ABCA1: variants seen among roughly 807,000 people sequenced by gnomAD.
The protein encoded by ABCA1 is ATP binding cassette subfamily A member 1.
Under a neutral mutation model 262.5 loss-of-function variants are expected in ABCA1, and 133 were observed. The observed-to-expected ratio is 0.51, with a 90% CI of 0.44 to 0.59. The LOEUF is 0.59. Among genes scored for constraint, ABCA1 ranks in the 20% least tolerant of loss-of-function variants. The pLI, the probability that ABCA1 is intolerant of heterozygous loss-of-function variation, is 0.00. For missense variants in ABCA1, 2,452 were observed against 2,777.5 expected, an observed-to-expected ratio of 0.88 and a Z score of 2.63; for synonymous variants, 1,022 against 1,043.5, an observed-to-expected ratio of 0.98 and a Z score of 0.40.
chr9:104,837,597 TA>T (rs1339686410), intron 9 of ABCA1, 30 bp from the exon 10 acceptor site: 13 of 1,612,518 alleles, frequency 8.1e-6, no homozygotes, highest in African/African-American at 1.3e-5. Flanking sequence ...CAAATGCTCA[TA>T]TGCATGGTCA....
chr9:104,882,056 A>AAAAAAAAAAAAAAAAAAC lies in ABCA1; in HGVS notation c.421+982_421+983insGTTTTTTTTTTTTTTTTT, dbSNP rs910844455. Among the ~76,000 whole-genome samples the AAAAAAAAAAAAAAAAAAC allele has an allele frequency of 1.7e-4, 25 of 144,530 alleles. 1 individual carries two copies. The highest frequency in any genetic ancestry group is 3.5e-4 in the Non-Finnish European group (23 of 65,592). 94.8% of individuals were successfully genotyped at this position (144,530 alleles called of 152,430 possible). Reference sequence around the variant, plus strand: ...AAAAAAAAAAAAAAAAAAAAAAAAAAACTCAAATCTGAGTCTGGTTTAAAC... The same window carrying AAAAAAAAAAAAAAAAAAC: ...AAAAAAAAAAAAAAAAAAAAAAAAAAAAAAAAAAAAAAAAAAACACTCAAATCTGAGTCTGGTTTAAAC... On this transcript the variant is annotated intron_variant, in intron 5 of 49. Coordinates refer to ENST00000374736, the MANE Select transcript of ABCA1 (RefSeq NM_005502.4).
chr9:104,860,430 C>A (rs1236705976), intron 6 of ABCA1, among the ~76,000 whole-genome samples: 1 of 152,114 alleles, frequency 6.6e-6, no homozygotes, highest in Non-Finnish European at 1.5e-5. Flanking sequence ...CAGAAGGGCA[C>A]GCAGTAAGCA....
intron 1 of ABCA1, among the ~76,000 whole-genome samples, chr9:104,904,977 T>G (rs1339730551): frequency 6.6e-6 from 1 of 152,196 alleles, no homozygotes; most frequent in Non-Finnish European, 1.5e-5. Flanking sequence ...CATCCAGCAG[T>G]TACCCTTATT....
chr9:104,785,688 T>G (rs753973323), intron 48 of ABCA1, 49 bp from the exon 49 acceptor site: 1 of 1,610,172 alleles, frequency 6.2e-7, no homozygotes, highest in South Asian at 1.1e-5. Flanking sequence ...GAAAACTATT[T>G]AAAAGAATAC....
At chr9:104,829,672 T>C (rs949721107) in intron 14 of ABCA1, among the ~76,000 whole-genome samples, 2 of 152,160 alleles carry the variant, frequency 1.3e-5, no homozygotes, top group Admixed American at 1.3e-4. Flanking sequence ...TGTAGGCACA[T>C]ACTCACTACA....
chr9:104,788,966 A>T (rs2297405), intron 44 of ABCA1, among the ~76,000 whole-genome samples: 1 of 152,192 alleles, frequency 6.6e-6, no homozygotes, highest in Admixed American at 6.5e-5. Context: ...AAGGCCCAGA[A>T]ATTTTGAGTG....
In ABCA1 at chr9:104,817,548, C is replaced by T; in HGVS notation, c.3463-144G>A. On this transcript the variant is annotated intron_variant, in intron 23 of 49. Coordinates refer to ENST00000374736, the MANE Select transcript of ABCA1 (RefSeq NM_005502.4). This position sits in a 1 kb window ranked among gnomAD's most constrained non-coding sequence, Gnocchi z 4.7. Reference sequence around the variant, plus strand: ...TTCCCTGGGACACATGCACTGGCAGCCGTGGCTTCAGAGGACCCTGTCTGG... The same window carrying T: ...TTCCCTGGGACACATGCACTGGCAGTCGTGGCTTCAGAGGACCCTGTCTGG... 3.7e-5 allele frequency: 33 copies of T among 880,616 alleles called. No individual in the cohort carries two copies. In the South Asian group the frequency reaches 4.7e-4, roughly 13 times the overall value. 54.6% of individuals were successfully genotyped at this position (880,616 alleles called of 1,614,324 possible).
At chr9:104,849,661 G>A (rs1291573611) in intron 7 of ABCA1, among the ~76,000 whole-genome samples, 2 of 152,170 alleles carry the variant, frequency 1.3e-5, no homozygotes, top group Admixed American at 1.3e-4. Context: ...TCTACATCAA[G>A]TTTAAAGCTT....
rs1836414815 is a variant in ABCA1, at chr9:104,861,803, A to G, written c.422-3T>C. 1.2e-6 allele frequency: 2 copies of G among 1,611,616 alleles called. No homozygotes were observed. Among genetic ancestry groups the G allele is most frequent in the South Asian group, 1.1e-5 (1 of 90,982 alleles). On this transcript the variant is annotated splice_region_variant and splice_polypyrimidine_tract_variant and intron_variant, in intron 5 of 49. Transcript: ENST00000374736. ...CAGGAAATCTTGAAGCTTCAAGTCT[A>G]TTGAGAAATAGTGTTTTATTTTTAT...
At chr9:104,812,019 C>T (rs1358266737) in intron 28 of ABCA1, among the ~76,000 whole-genome samples, 3 of 152,236 alleles carry the variant, frequency 2.0e-5, no homozygotes, top group Admixed American at 1.3e-4. Flanking sequence ...AGCAAGTTAG[C>T]ATGCAAACAC....
chr9:104,784,265 G>T lies in ABCA1; in HGVS notation c.*50C>A. On this transcript the variant is annotated 3_prime_UTR_variant, in exon 50 of 50. Coordinates refer to ENST00000374736, the MANE Select transcript of ABCA1 (RefSeq NM_005502.4). ...CCACAACACTTCACATGGTGCAAAG[G>T]AAAGTCTAGTTCCTCTTTACTTTCA... 1 of 1,611,852 alleles carries T rather than the reference G, an allele frequency of 6.2e-7. No homozygotes were observed.
intron 2 of ABCA1, among the ~76,000 whole-genome samples, chr9:104,896,843 A>G (rs972035632): frequency 1.4e-5 from 2 of 144,112 alleles, no homozygotes; most frequent in African/African-American, 2.6e-5. Flanking sequence ...CAATTCTCCT[A>G]CCTCAGCCTT....
At chr9:104,862,639 C>CGGCCCCCACA (rs1836541851) in intron 5 of ABCA1, among the ~76,000 whole-genome samples, 1 of 5,384 alleles carries the variant, frequency 1.9e-4, no homozygotes, top group African/African-American at 5.1e-4. Flanking sequence ...ACTGCCGGGC[C>CGGCCCCCACA]GGGCCGGGCC....
chr9:104,891,225 T>C (rs998427585), intron 2 of ABCA1, among the ~76,000 whole-genome samples: 1 of 152,218 alleles, frequency 6.6e-6, no homozygotes, highest in East Asian at 1.9e-4. Context: ...AACTGTTTTT[T>C]ATTTCCAAAG....
chr9:104,803,641 CTT>C (rs1364820459), intron 32 of ABCA1, among the ~76,000 whole-genome samples: 1 of 151,818 alleles, frequency 6.6e-6, no homozygotes, highest in East Asian at 1.9e-4. Context: ...TGGTTTCGCT[CTT>C]GTTGCCCAGG....
chr9:104,855,576 C>T, intron 7 of ABCA1: 1 of 1,178,466 alleles, frequency 8.5e-7, no homozygotes, highest in Non-Finnish European at 1.1e-6. Context: ...AAATTATCAA[C>T]TTCTATTTAT....
chr9:104,840,051 T>G (rs1369194678), intron 9 of ABCA1, among the ~76,000 whole-genome samples: 1 of 152,210 alleles, frequency 6.6e-6, no homozygotes, highest in Non-Finnish European at 1.5e-5. Flanking sequence ...TTCATTCCAT[T>G]GATAAACACT....
At position 104,793,292 on chromosome 9, in the gene ABCA1, G is replaced by A. The variant is rs755307445; in HGVS notation, c.5515C>T (p.Arg1839Cys). ...ADALERFGEN[R>C]FVSPLSWDLV... The stretch of plus-strand genomic sequence containing the variant: ...TCCCAAGATAATGGTGACACAAAGC[G>A]ATTCTCCCCTAGTAGACACAATGCA... Residue 1839 changes from arginine (R) to cysteine (C), a missense_variant, in exon 41 of 50, where the codon CGC becomes TGC. Coordinates refer to ENST00000374736, the MANE Select transcript of ABCA1 (RefSeq NM_005502.4). 68 of 1,613,960 alleles carry A rather than the reference G, an allele frequency of 4.2e-5. No homozygotes were observed. The highest frequency in any genetic ancestry group is 5.0e-5 in the Non-Finnish European group (59 of 1,180,018).
chr9:104,874,056 C>T (rs1837880243), intron 5 of ABCA1, among the ~76,000 whole-genome samples: 1 of 152,164 alleles, frequency 6.6e-6, no homozygotes, highest in Admixed American at 6.5e-5. Flanking sequence ...CCAAAGCCAC[C>T]CTGCTCCCTG....
Sources: gnomAD v4.1 joint callset for allele counts (sites outside exome capture counted in the v4.1 genomes callset) on GRCh38, gnomAD v4.1.1 for gene constraint, Gnocchi (gnomAD v3.1) non-coding constraint, MANE v1.5 for transcripts, NCBI Gene and HGNC (gene_info 2026-07-23, HGNC 2026-07-21) for gene names.